Variants in LPP observed in about 807,000 individuals in gnomAD.
LPP encodes the protein lipoma-preferred partner.
LPP carries 38 observed loss-of-function variants against 60.4 expected under a neutral mutation model. That is an observed-to-expected ratio of 0.63 (90% CI 0.49 to 0.83). The LOEUF (loss-of-function observed/expected upper bound fraction) is 0.83. Among genes scored for constraint, LPP ranks in the 40% least tolerant of loss-of-function variants. The pLI, the probability that LPP is intolerant of heterozygous loss-of-function variation, is 0.00. For synonymous variants in LPP, 328 were observed against 290.8 expected, an observed-to-expected ratio of 1.13 and a Z score of -1.30; for missense variants, 902 against 783.6, an observed-to-expected ratio of 1.15 and a Z score of -1.80.
At chr3:188,779,581 C>CT (rs767829096) in intron 9 of LPP, among the ~76,000 whole-genome samples, 1,564 of 141,282 alleles carry the variant, frequency 0.011, 16 homozygotes, top group Admixed American at 0.016. Flanking sequence ...TTCAAAAAGA[C>CT]TTTTTTTTTT....
intron 6 of LPP, among the ~76,000 whole-genome samples, chr3:188,576,071 C>G (rs1834544308): frequency 6.6e-6 from 1 of 152,162 alleles, no homozygotes; most frequent in Non-Finnish European, 1.5e-5. Flanking sequence ...CTCTTAACTA[C>G]TGAGGCTAAT....
chr3:188,581,285 T>A (rs1388535589), intron 6 of LPP, among the ~76,000 whole-genome samples: 1 of 151,778 alleles, frequency 6.6e-6, no homozygotes, highest in Non-Finnish European at 1.5e-5. Context: ...TGATGATAGG[T>A]CTAGGGAACA....
chr3:188,561,090 C>T (rs1830564987), intron 6 of LPP, among the ~76,000 whole-genome samples: 1 of 152,082 alleles, frequency 6.6e-6, no homozygotes, highest in African/African-American at 2.4e-5. Flanking sequence ...AGTCCCTAGA[C>T]AAATCTGGTT....
At chr3:188,761,655 T>G (rs1732400198) in intron 9 of LPP, among the ~76,000 whole-genome samples, 1 of 152,208 alleles carries the variant, frequency 6.6e-6, no homozygotes, top group Non-Finnish European at 1.5e-5. Context: ...CGCTCCACAG[T>G]CTTAGATTCT....
Position 188,792,545 on chromosome 3 carries a change from G to A in LPP, c.1410+32263G>A, listed in dbSNP as rs1337664103. Among the ~76,000 whole-genome samples, 11 of 152,138 alleles carry A rather than the reference G, an allele frequency of 7.2e-5. 1 individual carries two copies. Among genetic ancestry groups the A allele is most frequent in the Admixed American group, 6.5e-4 (10 of 15,282 alleles). Reference sequence around the variant, plus strand: ...CAAAGGGCTGCTGTTCAGCTGGCAGGACCAGCTTCTCTGATGCAGTGCAGT... The same window carrying A: ...CAAAGGGCTGCTGTTCAGCTGGCAGAACCAGCTTCTCTGATGCAGTGCAGT... On this transcript the variant is annotated intron_variant, in intron 9 of 11. Transcript: ENST00000617246.
At chr3:188,339,433 A>C (rs903274953) in intron 2 of LPP, among the ~76,000 whole-genome samples, 1 of 152,222 alleles carries the variant, frequency 6.6e-6, no homozygotes, top group Non-Finnish European at 1.5e-5. Flanking sequence ...TCACGCTGCT[A>C]TAAAGAACTG....
intron 2 of LPP, among the ~76,000 whole-genome samples, chr3:188,322,402 C>A (rs1162994980): frequency 6.6e-6 from 1 of 152,104 alleles, no homozygotes; most frequent in Non-Finnish European, 1.5e-5. Context: ...GTCATTTTCT[C>A]AGAGCCCTGA....
intron 5 of LPP, among the ~76,000 whole-genome samples, chr3:188,488,746 C>T (rs1437120337): frequency 2.0e-5 from 3 of 152,224 alleles, no homozygotes; most frequent in South Asian, 4.2e-4. Context: ...AAGCGATTCT[C>T]CTGCCTCAGC....
chr3:188,704,346 G>T (rs1865060960), intron 7 of LPP, among the ~76,000 whole-genome samples: 1 of 152,078 alleles, frequency 6.6e-6, no homozygotes, highest in Non-Finnish European at 1.5e-5. Flanking sequence ...TGAAATGTGG[G>T]TTATCTCACT....
At chr3:188,694,712 A>AT (rs1227719579) in intron 7 of LPP, among the ~76,000 whole-genome samples, 5 of 133,248 alleles carry the variant, frequency 3.8e-5, no homozygotes, top group African/African-American at 1.5e-4. Flanking sequence ...AAAAAAAAAT[A>AT]AATAAAAACT....
At chr3:188,844,134 G>T (rs534957518) in intron 9 of LPP, among the ~76,000 whole-genome samples, 5 of 152,268 alleles carry the variant, frequency 3.3e-5, no homozygotes, top group African/African-American at 1.2e-4. Flanking sequence ...CTATGGATTT[G>T]TTCTTTCTGT....
chr3:188,165,306 A>G (rs557523680), intron 1 of LPP, among the ~76,000 whole-genome samples: 36 of 152,140 alleles, frequency 2.4e-4, no homozygotes. Context: ...GATGGCTCTA[A>G]TTGGATGGTA....
chr3:188,264,956 AT>A (rs1734964495), intron 2 of LPP, among the ~76,000 whole-genome samples: 7 of 152,158 alleles, frequency 4.6e-5, no homozygotes, highest in Admixed American at 4.6e-4. Context: ...TGTGTCTTAG[AT>A]TTATTTACCT....
intron 8 of LPP, among the ~76,000 whole-genome samples, chr3:188,745,727 A>G (rs1402912181): frequency 6.6e-6 from 1 of 152,168 alleles, no homozygotes; most frequent in African/African-American, 2.4e-5. Flanking sequence ...ATAGAAATGA[A>G]ACAGACTAAG....
In LPP at chr3:188,509,687, T is replaced by TTCC. The variant is rs757666151; in HGVS notation, c.307-14978_307-14977insTCC. Among the ~76,000 whole-genome samples the TTCC allele has an allele frequency of 3.4e-3, 293 of 87,356 alleles. 27 individuals carry two copies. The highest frequency in any genetic ancestry group is 5.1e-3 in the Non-Finnish European group (216 of 42,676). 57.3% of individuals were successfully genotyped at this position (87,356 alleles called of 152,430 possible). On this transcript the variant is annotated intron_variant, in intron 5 of 11. Transcript: ENST00000617246. ...CTTCCTTCCTTCCTTCCTTCCTTCC[T>TTCC]CTCTCTCTCTCTTTTCTTTTTTTTT...
Position 188,372,705 on chromosome 3 carries a change from T to A in LPP, c.-10+30986T>A, listed in dbSNP as rs1331034857. Among the ~76,000 whole-genome samples, 13 of 151,858 alleles carry A rather than the reference T, an allele frequency of 8.6e-5. No individual in the cohort carries two copies. In the East Asian group the frequency reaches 1.9e-3, roughly 22 times the overall value. Reference sequence around the variant, plus strand: ...GTTGGCTTCTTTTTGTTTTTTTTTTTTAAATTTTATTATTATTATACTTTA... The same window carrying A: ...GTTGGCTTCTTTTTGTTTTTTTTTTATAAATTTTATTATTATTATACTTTA... On this transcript the variant is annotated intron_variant, in intron 3 of 11. Coordinates refer to ENST00000617246, the MANE Select transcript of LPP (RefSeq NM_001375462.1).
At chr3:188,369,530 G>A (rs1002583478) in intron 3 of LPP, among the ~76,000 whole-genome samples, 8 of 152,138 alleles carry the variant, frequency 5.3e-5, no homozygotes, top group African/African-American at 1.7e-4. Context: ...TGAGGATTAA[G>A]TGAGATAATA....
intron 6 of LPP, among the ~76,000 whole-genome samples, chr3:188,569,426 T>C (rs952242040): frequency 6.6e-6 from 1 of 152,006 alleles, no homozygotes; most frequent in African/African-American, 2.4e-5. Context: ...CTGTATTGTG[T>C]AGGATAGTGC....
At chr3:188,187,036 A>G (rs1308075118) in intron 1 of LPP, among the ~76,000 whole-genome samples, 1 of 152,136 alleles carries the variant, frequency 6.6e-6, no homozygotes, top group African/African-American at 2.4e-5. Context: ...AGATGAAGAT[A>G]TTAGAGTTTC....
Sources: gnomAD v4.1 joint callset for allele counts (sites outside exome capture counted in the v4.1 genomes callset) on GRCh38, gnomAD v4.1.1 for gene constraint, MANE v1.5 for transcripts, NCBI Gene and HGNC (gene_info 2026-07-23, HGNC 2026-07-21) for gene names.